CNTNAP2: variants seen among roughly 807,000 people sequenced by gnomAD.
CNTNAP2 encodes contactin-associated protein-like 2.
In CNTNAP2, 98 loss-of-function variants were observed where a neutral mutation model predicts 155.2. That is an observed-to-expected ratio of 0.63 (90% confidence interval 0.54 to 0.75). The LOEUF (loss-of-function observed/expected upper bound fraction) is 0.75. CNTNAP2 is among the 30% of genes least tolerant of loss of function. The pLI is 0.00. For synonymous variants in CNTNAP2, 651 were observed against 631.2 expected (o/e 1.03, Z -0.47); for missense variants, 1,727 against 1,688.1 (o/e 1.02, Z -0.40).
intron 1 of CNTNAP2, among the ~76,000 whole-genome samples, chr7:146,545,576 G>A (rs573078969): frequency 6.6e-6 from 1 of 151,910 alleles, no homozygotes; most frequent in East Asian, 1.9e-4. Context: ...CCACTTATGA[G>A]TGAGAACACG....
At chr7:148,320,531 G>A (rs35129538) in intron 21 of CNTNAP2, among the ~76,000 whole-genome samples, 61,575 of 151,174 alleles carry the variant, frequency 0.41, 13,065 homozygotes, top group East Asian at 0.49. Context: ...TTACAAGCAT[G>A]CACCACCATA....
At chr7:147,029,116 A>G (rs992139580) in intron 3 of CNTNAP2, among the ~76,000 whole-genome samples, 1 of 151,874 alleles carries the variant, frequency 6.6e-6, no homozygotes, top group Non-Finnish European at 1.5e-5. Context: ...GGCACCCGCC[A>G]CCACGCCCAG....
chr7:147,825,631 C>T (rs1012000257), intron 13 of CNTNAP2, among the ~76,000 whole-genome samples: 9 of 152,128 alleles, frequency 5.9e-5, no homozygotes, highest in Admixed American at 1.3e-4. Context: ...AACCTGCACT[C>T]GCTGTCTGCA....
At chr7:147,148,887 T>C (rs1025782628) in intron 8 of CNTNAP2, among the ~76,000 whole-genome samples, 4 of 152,194 alleles carry the variant, frequency 2.6e-5, no homozygotes, top group Admixed American at 6.5e-5. Flanking sequence ...ATGGTCTCAC[T>C]GACTTCAGGA....
rs559949171 is a variant in CNTNAP2, at chr7:147,791,937, G to T, written c.2099-111628G>T. 3.9e-5 allele frequency among the ~76,000 whole-genome samples: 6 copies of T among 152,298 alleles called. No homozygotes were observed. In the South Asian group the frequency reaches 1.2e-3, roughly 32 times the overall value. Reference sequence around the variant, plus strand: ...TGCTCCGTGTTGCCTGCCATTCCGGGCATAGAGCGGCTTGGCCCAGAAACC... The same window carrying T: ...TGCTCCGTGTTGCCTGCCATTCCGGTCATAGAGCGGCTTGGCCCAGAAACC... On this transcript the variant is annotated intron_variant, in intron 13 of 23. Transcript: ENST00000361727.
At chr7:147,917,568 T>G (rs966009831) in intron 14 of CNTNAP2, among the ~76,000 whole-genome samples, 8 of 152,196 alleles carry the variant, frequency 5.3e-5, no homozygotes, top group Non-Finnish European at 8.8e-5. Context: ...TGACTTTACA[T>G]ACCACTTCCA....
chr7:147,691,654 G>C lies in CNTNAP2; in HGVS notation c.2098+52348G>C, dbSNP rs75864970. Among the ~76,000 whole-genome samples the C allele has an allele frequency of 5.3e-3, 812 of 152,204 alleles. 9 individuals are homozygous for C. The highest frequency in any genetic ancestry group is 0.03 in the Admixed American group (457 of 15,276). Reference sequence around the variant, plus strand: ...ATACTAGTAAAGTGTAGTAAAATCCGTTAACTTATTTACTTGCAAATGTAT... The same window carrying C: ...ATACTAGTAAAGTGTAGTAAAATCCCTTAACTTATTTACTTGCAAATGTAT... On this transcript the variant is annotated intron_variant, in intron 13 of 23. Transcript: ENST00000361727.
At position 148,346,143 on chromosome 7, in the gene CNTNAP2, G is replaced by A. The variant is rs575694343; in HGVS notation, c.3476-37506G>A. ...CCTTTTACAGTCGTGCTCTGATCCT[G>A]GGGTCCCTGAGGTCCAGAGCAGAAC... On this transcript the variant is annotated intron_variant, in intron 21 of 23. Coordinates refer to ENST00000361727, the MANE Select transcript of CNTNAP2 (RefSeq NM_014141.6). 4.6e-5 allele frequency among the ~76,000 whole-genome samples: 7 copies of A among 152,170 alleles called. No individual in the cohort carries two copies. The South Asian group carries it at 1.5e-3, about 32-fold the overall frequency.
intron 1 of CNTNAP2, among the ~76,000 whole-genome samples, chr7:146,493,932 G>C (rs964956525): frequency 6.6e-6 from 1 of 152,174 alleles, no homozygotes; most frequent in African/African-American, 2.4e-5. Flanking sequence ...TACCCTGCTT[G>C]AGTGATAGGT....
At chr7:147,767,613 T>C (rs1797402311) in intron 13 of CNTNAP2, among the ~76,000 whole-genome samples, 1 of 151,916 alleles carries the variant, frequency 6.6e-6, no homozygotes, top group Non-Finnish European at 1.5e-5. Context: ...TTTAAATGCA[T>C]TATTATACTT....
intron 23 of CNTNAP2, among the ~76,000 whole-genome samples, chr7:148,410,065 AAAAGAAAG>A (rs71188983): frequency 1.7e-5 from 1 of 59,172 alleles, no homozygotes; most frequent in Non-Finnish European, 3.2e-5. Flanking sequence ...AAAAAAAAAA[AAAAGAAAG>A]AAAGAAAGAA....
At chr7:146,684,835 C>T (rs1464896641) in intron 1 of CNTNAP2, among the ~76,000 whole-genome samples, 1 of 152,080 alleles carries the variant, frequency 6.6e-6, no homozygotes, top group African/African-American at 2.4e-5. Flanking sequence ...GCTATTCATA[C>T]TGTTTTCATG....
At chr7:147,235,677 C>A (rs1279090550) in intron 8 of CNTNAP2, among the ~76,000 whole-genome samples, 1 of 152,144 alleles carries the variant, frequency 6.6e-6, no homozygotes, top group Middle Eastern at 3.2e-3. Context: ...CCAGATTTAA[C>A]CCATGGGAGC....
At chr7:146,775,863 AC>A (rs1346142513) in intron 2 of CNTNAP2, among the ~76,000 whole-genome samples, 13 of 152,270 alleles carry the variant, frequency 8.5e-5, no homozygotes, top group Admixed American at 5.9e-4. Context: ...AAAGAGTGAT[AC>A]ACAAGCAAAG....
chr7:146,254,557 G>T (rs1461381949), intron 1 of CNTNAP2, among the ~76,000 whole-genome samples: 2 of 152,164 alleles, frequency 1.3e-5, no homozygotes, highest in African/African-American at 4.8e-5. Flanking sequence ...AAGTGTTCAG[G>T]TAAATAAAAC....
intron 13 of CNTNAP2, among the ~76,000 whole-genome samples, chr7:147,693,441 T>C (rs1264367798): frequency 6.6e-6 from 1 of 152,100 alleles, no homozygotes; most frequent in Non-Finnish European, 1.5e-5. Flanking sequence ...GAAGAGTAGA[T>C]ATTGTGATAA....
intron 13 of CNTNAP2, among the ~76,000 whole-genome samples, chr7:147,772,822 A>G (rs184830398): frequency 8.6e-5 from 13 of 152,026 alleles, no homozygotes; most frequent in Non-Finnish European, 1.6e-4. Context: ...ATGTCATTCC[A>G]CACCCTAAAA....
At chr7:146,180,059 A>G (rs878928682) in intron 1 of CNTNAP2, among the ~76,000 whole-genome samples, 1 of 152,184 alleles carries the variant, frequency 6.6e-6, no homozygotes, top group African/African-American at 2.4e-5. Context: ...CCAAAGCACT[A>G]AACTCTGTAT....
chr7:147,841,577 C>G (rs1798732220), intron 13 of CNTNAP2, among the ~76,000 whole-genome samples: 1 of 152,138 alleles, frequency 6.6e-6, no homozygotes, highest in Non-Finnish European at 1.5e-5. Flanking sequence ...CTACCTATTT[C>G]ACAAAGTTAT....
Sources: gnomAD v4.1 joint callset for allele counts (sites outside exome capture counted in the v4.1 genomes callset) on GRCh38, gnomAD v4.1.1 for gene constraint, MANE v1.5 for transcripts, NCBI Gene and HGNC (gene_info 2026-07-23, HGNC 2026-07-21) for gene names.